Variants in TRIM67 observed in about 807,000 individuals in gnomAD.
TRIM67 encodes tripartite motif containing 67.
A neutral mutation model predicts 71.0 loss-of-function variants in TRIM67; 39 were observed. The observed-to-expected ratio is 0.55, with a 90% confidence interval of 0.43 to 0.72. The LOEUF (loss-of-function observed/expected upper bound fraction) is 0.72. Ranked by LOEUF, TRIM67 falls within the 30% of genes least tolerant of loss-of-function variation. The pLI is 0.00. For missense variants in TRIM67, 973 were observed against 1,079.2 expected, an observed-to-expected ratio of 0.90 and a Z score of 1.38; for synonymous variants, 481 against 473.9, an observed-to-expected ratio of 1.01 and a Z score of -0.19.
intron 1 of TRIM67, among the ~76,000 whole-genome samples, chr1:231,194,846 C>A (rs572907643): frequency 1.4e-4 from 21 of 152,214 alleles, no homozygotes; most frequent in African/African-American, 4.8e-4. Flanking sequence ...CCATGCCCAG[C>A]TAATTTTTAA....
chr1:231,185,071 T>C (rs1412783977), intron 1 of TRIM67: 1 of 1,532,884 alleles, frequency 6.5e-7, no homozygotes, highest in African/African-American at 1.4e-5. Flanking sequence ...GTGCCTGGAC[T>C]TCCAGAGAGC....
intron 1 of TRIM67, among the ~76,000 whole-genome samples, chr1:231,196,875 C>A (rs564303576): frequency 1.1e-3 from 168 of 152,188 alleles, no homozygotes; most frequent in Non-Finnish European, 2.2e-3. Context: ...TAGTCCAGTT[C>A]CAGGACCCAC....
chr1:231,187,329 C>G lies in TRIM67; in HGVS notation c.1045-10042C>G, dbSNP rs550618932. On this transcript the variant is annotated intron_variant, in intron 1 of 9. Transcript: ENST00000366653. ...CGGAGGAGTGTGCCTCAGTGGTATC[C>G]GTGCCTCCCTCAGGTGGTGCTTAGA... Among the ~76,000 whole-genome samples the G allele has an allele frequency of 1.1e-3, 162 of 152,078 alleles. 1 individual carries two copies. Among genetic ancestry groups the G allele is most frequent in the Admixed American group, 3.6e-3 (55 of 15,282 alleles).
At chr1:231,173,890 G>C (rs1303984792) in intron 1 of TRIM67, among the ~76,000 whole-genome samples, 2 of 152,198 alleles carry the variant, frequency 1.3e-5, no homozygotes, top group Middle Eastern at 3.2e-3. Flanking sequence ...AATTAGGAGA[G>C]AGGCAGCAGA....
At chr1:231,194,715 C>T (rs1025488471) in intron 1 of TRIM67, among the ~76,000 whole-genome samples, 2 of 152,212 alleles carry the variant, frequency 1.3e-5, no homozygotes, top group African/African-American at 4.8e-5. Context: ...CACAGTCTCA[C>T]TCTGTCACCT....
chr1:231,211,368 G>A (rs1158956124), intron 8 of TRIM67, among the ~76,000 whole-genome samples: 1 of 152,066 alleles, frequency 6.6e-6, no homozygotes, highest in Admixed American at 6.5e-5. Flanking sequence ...CCTCGGATGT[G>A]GATCGGGTAG....
rs964016569 is a variant in TRIM67 at position 231,165,771 on chromosome 1, G to A, written c.1044+1758G>A. On this transcript the variant is annotated intron_variant, in intron 1 of 9. Coordinates refer to ENST00000366653, the MANE Select transcript of TRIM67 (RefSeq NM_001004342.5). ...TTACAAATAAATTATTTGTAAAAAG[G>A]GCTGTGACCAATTACCAAGACAAGA... Among the ~76,000 whole-genome samples the A allele has an allele frequency of 3.3e-5, 5 of 151,988 alleles. No homozygotes were observed. The South Asian group carries it at 8.3e-4, about 25-fold the overall frequency.
At chr1:231,191,177 C>T (rs988488470) in intron 1 of TRIM67, among the ~76,000 whole-genome samples, 1 of 152,234 alleles carries the variant, frequency 6.6e-6, no homozygotes, top group Non-Finnish European at 1.5e-5. Flanking sequence ...AATCCTTCCA[C>T]CTCAGCCTCC....
Position 231,213,844 on chromosome 1 carries a change from C to T in TRIM67, c.2153C>T (p.Thr718Ile), listed in dbSNP as rs1375864301. 4 of 1,609,754 alleles carry T rather than the reference C, an allele frequency of 2.5e-6. No homozygotes were observed. The highest frequency in any genetic ancestry group is 1.3e-5 in the African/African-American group (1 of 74,950). The change falls in exon 9 of 10, where the codon ACC (threonine) becomes ATC (isoleucine). Residue 718 changes from threonine (T) to isoleucine (I), a missense_variant. Coordinates refer to ENST00000366653, the MANE Select transcript of TRIM67 (RefSeq NM_001004342.5). ...RTEGGVCKGA[T>I]VGVLLDLNKH... ...GAAGGTGGCGTGTGCAAGGGGGCCACCGTGGGCGTGCTGCTGGACCTGAAT... is the reference window on the plus strand; with the variant it reads ...GAAGGTGGCGTGTGCAAGGGGGCCATCGTGGGCGTGCTGCTGGACCTGAAT...
Position 231,201,474 on chromosome 1 carries a change from G to T in TRIM67, c.1491G>T (p.Leu497=). The change falls in exon 5 of 10, where the codon CTG becomes CTT. Residue 497 remains leucine (L), a synonymous_variant. Transcript: ENST00000366653. The part of the protein sequence containing the change: ...FDLTLDSEPL[L]QAIHQLDFIQ... ...TGACTTTGGACAGCGAGCCGCTGCT[G>T]CAGGCCATCCACCAGCTGGACTTCA... is the stretch of plus-strand genomic sequence containing the variant. The T allele has an allele frequency of 6.2e-7, 1 of 1,613,942 alleles. No homozygotes were observed. Among genetic ancestry groups the T allele is most frequent in the Non-Finnish European group, 8.5e-7 (1 of 1,179,878 alleles).
intron 1 of TRIM67, chr1:231,185,989 G>A (rs2102733103): frequency 9.4e-7 from 1 of 1,068,302 alleles, no homozygotes; most frequent in East Asian, 2.6e-5. Flanking sequence ...GAGACGAGAA[G>A]GAGGTGGGTC....
chr1:231,164,010 C>G lies in TRIM67; in HGVS notation c.1041C>G (p.His347Gln), dbSNP rs780510502. 1.3e-6 allele frequency: 2 copies of G among 1,529,784 alleles called. No individual in the cohort carries two copies. The highest frequency in any genetic ancestry group is 2.8e-5 in the African/African-American group (2 of 72,242). 94.8% of individuals were successfully genotyped at this position (1,529,784 alleles called of 1,614,324 possible). A position where few individuals can be genotyped will look rare whatever the true frequency, so the allele number is the denominator to read the frequency against. ...VKPLGAMWKQ[H>Q]KAQLSQALNG... ...CGCTGGGGGCCATGTGGAAGCAGCACAAGGTGAGCCCGCGGGACGCGGGAG... is the reference window on the plus strand; with the variant it reads ...CGCTGGGGGCCATGTGGAAGCAGCAGAAGGTGAGCCCGCGGGACGCGGGAG... Residue 347 changes from histidine to glutamine, a missense_variant, in exon 1 of 10, where the codon CAC (histidine) becomes CAG (glutamine). Coordinates refer to ENST00000366653, the MANE Select transcript of TRIM67 (RefSeq NM_001004342.5).
intron 2 of TRIM67, among the ~76,000 whole-genome samples, chr1:231,198,740 C>T (rs891735149): frequency 6.6e-6 from 1 of 152,142 alleles, no homozygotes; most frequent in African/African-American, 2.4e-5. Context: ...TGAGATTATG[C>T]TGTGAATAAC....
At chr1:231,203,838 G>C in intron 5 of TRIM67, 29 bp from the exon 6 acceptor site, 1 of 1,605,138 alleles carries the variant, frequency 6.2e-7, no homozygotes, top group Non-Finnish European at 8.5e-7. Context: ...AGGGCTTCCT[G>C]CGCTAACTCA....
intron 5 of TRIM67, among the ~76,000 whole-genome samples, chr1:231,202,313 G>C (rs549665334): frequency 6.9e-6 from 1 of 144,888 alleles, no homozygotes; most frequent in South Asian, 2.2e-4. Flanking sequence ...GGTGGTGCAG[G>C]AGGAGGAGGA....
intron 1 of TRIM67, among the ~76,000 whole-genome samples, chr1:231,179,827 G>A (rs11576436): frequency 0.012 from 1,853 of 152,270 alleles, 18 homozygotes; most frequent in Admixed American, 0.019. Context: ...TAGATTCCAG[G>A]TGTGAGTTGG....
chr1:231,172,771 T>G (rs1035766089), intron 1 of TRIM67, among the ~76,000 whole-genome samples: 1 of 152,250 alleles, frequency 6.6e-6, no homozygotes, highest in Non-Finnish European at 1.5e-5. Context: ...TCCTTATAGT[T>G]TGATTCTGGA....
In TRIM67 at chr1:231,209,045, G is replaced by A. The variant is rs1023600108; in HGVS notation, c.1918G>A (p.Val640Met). ...CTGCAGCAGCTATGACGACCGGGTG[G>A]TGCTGGGCACAGCTGCGTTCTCCAA... The part of the protein sequence containing the change: ...ATCSSYDDRV[V>M]LGTAAFSKGV... The change falls in exon 8 of 10, where the codon GTG becomes ATG. Residue 640 changes from valine (V) to methionine (M), a missense_variant. Physicochemically the swap from Val to Met is conservative, Grantham distance 21. Transcript: ENST00000366653. This position sits in a 1 kb window ranked among gnomAD's most constrained non-coding sequence, Gnocchi z 4.1. 1 of 1,613,796 alleles carries A rather than the reference G, an allele frequency of 6.2e-7. No individual in the cohort carries two copies. The highest frequency in any genetic ancestry group is 1.7e-5 in the Admixed American group (1 of 60,012).
chr1:231,191,222 C>A (rs927005888), intron 1 of TRIM67, among the ~76,000 whole-genome samples: 2 of 152,208 alleles, frequency 1.3e-5, no homozygotes, highest in Admixed American at 1.3e-4. Context: ...TACCACCACA[C>A]TCAGCTAATT....
Sources: allele counts gnomAD v4.1 joint callset (sites outside exome capture counted in the v4.1 genomes callset), GRCh38; gene constraint gnomAD v4.1.1; non-coding constraint Gnocchi (gnomAD v3.1); transcripts MANE v1.5; gene names NCBI Gene and HGNC (gene_info 2026-07-23, HGNC 2026-07-21).